The following KCNN2 variants were observed in gnomAD, a reference collection of about 807,000 sequenced individuals.
KCNN2 encodes small conductance calcium-activated potassium channel protein 2.
In KCNN2, 24 loss-of-function variants were observed where a neutral mutation model predicts 55.5. The observed-to-expected ratio is 0.43, with a 90% CI of 0.31 to 0.61. The LOEUF (loss-of-function observed/expected upper bound fraction) is 0.61, where lower values mean the gene tolerates loss of function less well. Ranked by LOEUF, KCNN2 falls within the 20% of genes least tolerant of loss-of-function variation. KCNN2 has a pLI of 0.08. For synonymous variants in KCNN2, 431 were observed against 336.1 expected (o/e 1.28, Z -3.09); for missense variants, 754 against 853.6 (o/e 0.88, Z 1.45).
chr5:114,473,781 A>T (rs1761855284), intron 5 of KCNN2, among the ~76,000 whole-genome samples: 1 of 152,128 alleles, frequency 6.6e-6, no homozygotes, highest in Admixed American at 6.5e-5. Flanking sequence ...ATGTGTATAA[A>T]CTCACTTCAT....
intron 1 of KCNN2, among the ~76,000 whole-genome samples, chr5:114,186,058 T>G (rs556252699): frequency 6.6e-6 from 1 of 152,220 alleles, no homozygotes; most frequent in Non-Finnish European, 1.5e-5. Flanking sequence ...TGTTTCATGT[T>G]ATTGATTATT....
At chr5:114,417,191 A>G (rs1355026211) in intron 3 of KCNN2, among the ~76,000 whole-genome samples, 5 of 152,234 alleles carry the variant, frequency 3.3e-5, no homozygotes, top group Non-Finnish European at 5.9e-5. Context: ...AATGTTATCA[A>G]ATGAAATACC....
chr5:114,357,001 C>T (rs1580743386), intron 2 of KCNN2, among the ~76,000 whole-genome samples: 1 of 151,916 alleles, frequency 6.6e-6, no homozygotes, highest in East Asian at 1.9e-4. Context: ...TTTGGCACCA[C>T]CAAATATTGT....
At chr5:114,431,742 C>G (rs968212497) in intron 3 of KCNN2, among the ~76,000 whole-genome samples, 7 of 151,994 alleles carry the variant, frequency 4.6e-5, no homozygotes, top group Non-Finnish European at 4.4e-5. Flanking sequence ...CCAAGTACTG[C>G]TTTTGGTGTA....
chr5:114,380,752 C>T lies in KCNN2; in HGVS notation c.1218+16751C>T, dbSNP rs981571456. ...GAGGTTTTTGTTAGGATTGCATGAC[C>T]GGTTTGGGGGGCAGTTAGGGTGGGA... On this transcript the variant is annotated intron_variant, in intron 2 of 7. Coordinates refer to ENST00000673685, the MANE Select transcript of KCNN2 (RefSeq NM_021614.4). Among the ~76,000 whole-genome samples the T allele has an allele frequency of 5.3e-5, 8 of 152,014 alleles. 1 individual carries two copies. The highest frequency in any genetic ancestry group is 3.3e-4 in the Admixed American group (5 of 15,250).
At chr5:114,484,794 AGG>A in intron 5 of KCNN2, among the ~76,000 whole-genome samples, 1 of 152,168 alleles carries the variant, frequency 6.6e-6, no homozygotes. Context: ...GGAATTAGAA[AGG>A]GGATGGGATG....
At chr5:114,265,206 C>G (rs1197206832) in intron 2 of KCNN2, among the ~76,000 whole-genome samples, 3 of 149,742 alleles carry the variant, frequency 2.0e-5, no homozygotes, top group Non-Finnish European at 4.4e-5. Context: ...ATTCAGAAAA[C>G]TGACCTCTTC....
At chr5:114,071,920 G>A (rs894386088) in intron 1 of KCNN2, among the ~76,000 whole-genome samples, 1 of 152,198 alleles carries the variant, frequency 6.6e-6, no homozygotes, top group Non-Finnish European at 1.5e-5. Context: ...ATTAGGTCAT[G>A]TAGGTGCTGC....
chr5:114,350,505 T>G (rs185094128), intron 2 of KCNN2, among the ~76,000 whole-genome samples: 82 of 152,086 alleles, frequency 5.4e-4, no homozygotes, highest in Non-Finnish European at 9.9e-4. Flanking sequence ...TAGCTTATGC[T>G]TTTAGTATTA....
chr5:114,282,552 G>A (rs983482463), intron 2 of KCNN2, among the ~76,000 whole-genome samples: 5 of 152,036 alleles, frequency 3.3e-5, no homozygotes, highest in Non-Finnish European at 5.9e-5. Context: ...GAACTAAAAT[G>A]TAAAGATTTA....
chr5:114,398,643 T>G (rs1758693341), intron 2 of KCNN2, among the ~76,000 whole-genome samples: 1 of 152,204 alleles, frequency 6.6e-6, no homozygotes, highest in Non-Finnish European at 1.5e-5. Flanking sequence ...TTGGGCAGTA[T>G]GGCCATTTTA....
intron 1 of KCNN2, among the ~76,000 whole-genome samples, chr5:114,058,475 G>T (rs886109259): frequency 3.3e-5 from 5 of 152,174 alleles, no homozygotes; most frequent in African/African-American, 1.2e-4. Flanking sequence ...AAAATAACGA[G>T]TAAATAACAA....
At chr5:114,244,608 G>A (rs1233946804) in intron 2 of KCNN2, among the ~76,000 whole-genome samples, 3 of 151,814 alleles carry the variant, frequency 2.0e-5, no homozygotes, top group African/African-American at 7.2e-5. Flanking sequence ...GGGCATGGGG[G>A]GTTATTGGGG....
chr5:114,271,523 C>G lies in KCNN2; in HGVS notation c.-185+49958C>G, dbSNP rs139589852. 6.4e-3 allele frequency among the ~76,000 whole-genome samples: 969 copies of G among 152,260 alleles called. 3 individuals are homozygous for G. The highest frequency in any genetic ancestry group is 0.014 in the Middle Eastern group (4 of 294). ...AAAGAAGAAAGTAAAAAATACAATA[C>G]TATCCTCAAGGTGTATAAATAATGA... On this transcript the variant is annotated intron_variant, in intron 2 of 10. Transcript: ENST00000512097.
chr5:114,126,812 C>G (rs959678720), intron 1 of KCNN2, among the ~76,000 whole-genome samples: 3 of 152,156 alleles, frequency 2.0e-5, no homozygotes, highest in Non-Finnish European at 2.9e-5. Flanking sequence ...AAATCAAAAG[C>G]AAGTTAGTTA....
At chr5:114,224,333 A>G (rs905598465) in intron 2 of KCNN2, among the ~76,000 whole-genome samples, 5 of 152,218 alleles carry the variant, frequency 3.3e-5, no homozygotes, top group Admixed American at 3.3e-4. Flanking sequence ...TATTTTAGAT[A>G]AAAGTAACCA....
intron 2 of KCNN2, among the ~76,000 whole-genome samples, chr5:114,349,771 G>A (rs1213270268): frequency 6.6e-6 from 1 of 151,980 alleles, no homozygotes; most frequent in Admixed American, 6.6e-5. Flanking sequence ...TACATACCTA[G>A]AAGTGAAATG....
rs1754913787 is a variant in KCNN2, at chr5:114,253,273, G to A, written c.-185+31708G>A. On this transcript the variant is annotated intron_variant, in intron 2 of 10. Transcript: ENST00000512097. ...CAGAACTAGAATTAATAATCTGAAG[G>A]GAGAGGAGGCTACCTTATGGAAATG... 3.3e-5 allele frequency among the ~76,000 whole-genome samples: 5 copies of A among 151,984 alleles called. No homozygotes were observed. In the South Asian group the frequency reaches 1.0e-3, roughly 32 times the overall value.
At chr5:114,100,468 A>G (rs1370346041) in intron 1 of KCNN2, among the ~76,000 whole-genome samples, 3 of 152,148 alleles carry the variant, frequency 2.0e-5, no homozygotes, top group Non-Finnish European at 4.4e-5. Flanking sequence ...TATATTGTTC[A>G]TGGAAACCAG....
Sources: gnomAD v4.1 joint callset for allele counts (sites outside exome capture counted in the v4.1 genomes callset) on GRCh38, gnomAD v4.1.1 for gene constraint, MANE v1.5 for transcripts, NCBI Gene and HGNC (gene_info 2026-07-23, HGNC 2026-07-21) for gene names.